The following TMEM201 variants were observed in gnomAD, a reference collection of about 807,000 sequenced individuals.
TMEM201 encodes the protein transmembrane protein 201, also known as RP13-15M17.2.
A neutral mutation model predicts 63.4 loss-of-function variants in TMEM201; 26 were observed. The ratio of observed to expected loss-of-function variants is 0.41; its 90% CI spans 0.30 to 0.57. TMEM201 has a LOEUF of 0.57. Among genes scored for constraint, TMEM201 ranks in the 20% least tolerant of loss-of-function variants. The pLI is 0.29. For missense variants in TMEM201, 794 were observed against 917.7 expected, an observed-to-expected ratio of 0.87 and a Z score of 1.74; for synonymous variants, 417 against 421.6, an observed-to-expected ratio of 0.99 and a Z score of 0.14.
chr1:9,610,603 G>GCGCCAC lies in TMEM201; in HGVS notation c.1567_1572dup (p.His523_Arg524dup). 6.4e-7 allele frequency: 1 copy of GCGCCAC among 1,550,422 alleles called. No homozygotes were observed. Among genetic ancestry groups the GCGCCAC allele is most frequent in the Non-Finnish European group, 8.7e-7 (1 of 1,146,884 alleles). ...CGGTGGCCTCCAGCTCCGGCTCTCT[G>GCGCCAC]CGCCACCGCAGGCCCCTCATCAGCC... is the stretch of plus-strand genomic sequence containing the variant. On this transcript the variant is annotated inframe_insertion, in exon 9 of 11. Transcript: ENST00000340381. The surrounding 1 kb of genome is among the most constrained non-coding windows in gnomAD (Gnocchi z 4.9).
In TMEM201 at chr1:9,603,185, T is replaced by TC; in HGVS notation, c.1160+915dup. Reference sequence around the variant, plus strand: ...ACCATGGCCCAGCGCCACTCTGTCCTCCGACTCAGGTGAGGGGGCAGCCCA... The same window carrying TC: ...ACCATGGCCCAGCGCCACTCTGTCCTCCCGACTCAGGTGAGGGGGCAGCCCA... On this transcript the variant is annotated intron_variant, in intron 6 of 10. Transcript: ENST00000340381. The surrounding 1 kb of genome is among the most constrained non-coding windows in gnomAD (Gnocchi z 4.5). 1 of 985,498 alleles carries TC rather than the reference T, an allele frequency of 1.0e-6. No homozygotes were observed. Among genetic ancestry groups the TC allele is most frequent in the Non-Finnish European group, 1.2e-6 (1 of 830,002 alleles). 61.0% of individuals were successfully genotyped at this position (985,498 alleles called of 1,614,324 possible).
intron 1 of TMEM201, among the ~76,000 whole-genome samples, chr1:9,593,933 ACGTGCTTAGTTGCC>A (rs939249643): frequency 1.3e-5 from 2 of 152,244 alleles, no homozygotes; most frequent in African/African-American, 4.8e-5. Context: ...AGGGAAGTCC[ACGTGCTTAGTTGCC>A]CGGGAGTGCT....
chr1:9,598,215 A>G (rs1557552013), intron 3 of TMEM201, among the ~76,000 whole-genome samples: 2 of 152,156 alleles, frequency 1.3e-5, no homozygotes, highest in South Asian at 2.1e-4. Flanking sequence ...TAGTGTCCCC[A>G]TCACTTGTGG....
intron 1 of TMEM201, among the ~76,000 whole-genome samples, chr1:9,594,685 C>G (rs562087337): frequency 5.9e-5 from 9 of 152,232 alleles, no homozygotes; most frequent in East Asian, 1.9e-4. Flanking sequence ...CAGCCTCCCC[C>G]TCAGGCCCCT....
intron 1 of TMEM201, among the ~76,000 whole-genome samples, chr1:9,591,405 G>T (rs114922278): frequency 3.3e-4 from 51 of 152,356 alleles, no homozygotes; most frequent in African/African-American, 1.2e-3. Flanking sequence ...GAGCCCCTTG[G>T]CTGCTTCTCT....
rs1310784376 is a variant in TMEM201, at chr1:9,589,053, T to C, written c.113+10T>C. ...ACCGGATCGCGCGGAGGTGAGTGCATGGTTCGGCCCCACGCGGCCCTCTGC... is the reference window on the plus strand; with the variant it reads ...ACCGGATCGCGCGGAGGTGAGTGCACGGTTCGGCCCCACGCGGCCCTCTGC... On this transcript the variant is annotated intron_variant, in intron 1 of 10. Transcript: ENST00000340381. The C allele has an allele frequency of 3.2e-5, 34 of 1,071,880 alleles. No individual in the cohort carries two copies. Among genetic ancestry groups the C allele is most frequent in the Non-Finnish European group, 3.4e-5 (30 of 883,066 alleles). The allele number at this position is 1,071,880 out of a possible 1,614,324, so 66.4% of individuals were successfully genotyped here.
intron 3 of TMEM201, among the ~76,000 whole-genome samples, chr1:9,597,748 C>G (rs1187619214): frequency 6.6e-6 from 1 of 152,180 alleles, no homozygotes; most frequent in Non-Finnish European, 1.5e-5. Flanking sequence ...CAGAGGTGAA[C>G]TCAGGCCAAG....
At chr1:9,595,713 T>TTC (rs145569400) in intron 1 of TMEM201, among the ~76,000 whole-genome samples, 177 bp from the exon 2 acceptor site, 3,473 of 152,276 alleles carry the variant, frequency 0.023, 139 homozygotes, top group African/African-American at 0.079. Context: ...GTTCCTCTCC[T>TTC]TCAGAGCCCT....
At chr1:9,602,940 C>T (rs368757737) in intron 6 of TMEM201, 5 of 985,458 alleles carry the variant, frequency 5.1e-6, no homozygotes, top group East Asian at 1.1e-4. Flanking sequence ...CCCGAGTCCC[C>T]GGAAATGGAG....
intron 6 of TMEM201, 23 bp downstream of exon 6, chr1:9,602,295 C>T (rs903572267): frequency 1.3e-5 from 21 of 1,608,646 alleles, no homozygotes; most frequent in Middle Eastern, 2.2e-4. Flanking sequence ...GCCATGACTG[C>T]GGGGGGAGGA....
Position 9,603,899 on chromosome 1 carries a change from G to A in TMEM201, c.1160+1627G>A. 1 of 985,464 alleles carries A rather than the reference G, an allele frequency of 1.0e-6. No individual in the cohort carries two copies. Among genetic ancestry groups the A allele is most frequent in the Non-Finnish European group, 1.2e-6 (1 of 829,954 alleles). The allele number at this position is 985,464 out of a possible 1,614,324, so 61.0% of individuals were successfully genotyped here. On this transcript the variant is annotated intron_variant, in intron 6 of 10. Coordinates refer to ENST00000340381, the MANE Select transcript of TMEM201 (RefSeq NM_001130924.3). This position sits in a 1 kb window ranked among gnomAD's most constrained non-coding sequence, Gnocchi z 4.5. The stretch of plus-strand genomic sequence containing the variant: ...GCTTGTTGTTCTGTGTGGAGCGTGA[G>A]GTGAGAAAACCCCTCTGAAAAGATG...
At position 9,605,670 on chromosome 1, in the gene TMEM201, G is replaced by A. The variant is rs538857411; in HGVS notation, c.1161-1887G>A. On this transcript the variant is annotated intron_variant, in intron 6 of 10. Transcript: ENST00000340381. The surrounding 1 kb of genome is among the most constrained non-coding windows in gnomAD (Gnocchi z 5.7). ...TCAAACTGCGAAGGAACTCCCCACAGCACCATCTTCAGTGGCACCAAACTG... is the reference window on the plus strand; with the variant it reads ...TCAAACTGCGAAGGAACTCCCCACAACACCATCTTCAGTGGCACCAAACTG... 6.6e-6 allele frequency among the ~76,000 whole-genome samples: 1 copy of A among 152,088 alleles called. No homozygotes were observed. Among genetic ancestry groups the A allele is most frequent in the East Asian group, 1.9e-4 (1 of 5,184 alleles).
In TMEM201 at chr1:9,610,962, A is replaced by T. The variant is rs1273391936; in HGVS notation, c.1765+157A>T. The T allele has an allele frequency of 3.3e-6, 5 of 1,517,700 alleles. No individual in the cohort carries two copies. In the African/African-American group the frequency reaches 7.2e-5, roughly 22 times the overall value. The allele number at this position is 1,517,700 out of a possible 1,614,324, so 94.0% of individuals were successfully genotyped here. Reference sequence around the variant, plus strand: ...ACCCCATTCCGGCTCTGGTGACTTGAACCCTCTGGGACATTGACCTCTAAT... The same window carrying T: ...ACCCCATTCCGGCTCTGGTGACTTGTACCCTCTGGGACATTGACCTCTAAT... On this transcript the variant is annotated intron_variant, in intron 9 of 10. Coordinates refer to ENST00000340381, the MANE Select transcript of TMEM201 (RefSeq NM_001130924.3). The surrounding 1 kb of genome is among the most constrained non-coding windows in gnomAD (Gnocchi z 4.9).
In TMEM201 at chr1:9,597,014, C is replaced by G; in HGVS notation, c.390C>G (p.Thr130=). ...LCKRCNHHQT[T]KIKQLAAFAP... ...AGAGGTGCAACCACCACCAGACCAC[C>G]AAGATCAAGCAGCTGGCCGCCTTCG... The change falls in exon 3 of 11, where the codon ACC becomes ACG. Residue 130 remains threonine (T), a synonymous_variant. Transcript: ENST00000340381. The G allele has an allele frequency of 1.2e-6, 2 of 1,610,794 alleles. No individual in the cohort carries two copies. Among genetic ancestry groups the G allele is most frequent in the Non-Finnish European group, 1.7e-6 (2 of 1,177,956 alleles).
At chr1:9,606,868 G>A (rs565134931) in intron 6 of TMEM201, among the ~76,000 whole-genome samples, 2 of 152,184 alleles carry the variant, frequency 1.3e-5, no homozygotes, top group South Asian at 2.1e-4. Context: ...TTCTAAGTTC[G>A]GTTTTGGCGT....
chr1:9,610,032 C>A lies in TMEM201; in HGVS notation c.1465+121C>A. 1.1e-6 allele frequency: 1 copy of A among 942,684 alleles called. No homozygotes were observed. Among genetic ancestry groups the A allele is most frequent in the South Asian group, 1.5e-5 (1 of 67,790 alleles). 58.4% of individuals were successfully genotyped at this position (942,684 alleles called of 1,614,324 possible). A position where few individuals can be genotyped will look rare whatever the true frequency, so the allele number is the denominator to read the frequency against. On this transcript the variant is annotated intron_variant, in intron 8 of 10. Coordinates refer to ENST00000340381, the MANE Select transcript of TMEM201 (RefSeq NM_001130924.3). This position sits in a 1 kb window ranked among gnomAD's most constrained non-coding sequence, Gnocchi z 4.9. ...CCCCAAGTGTGTGTTCACATCTCAG[C>A]CCTGGGCAAGTGACCTACACACCTG...
chr1:9,603,072 G>GC lies in TMEM201; in HGVS notation c.1160+803dup, dbSNP rs1644177796. On this transcript the variant is annotated intron_variant, in intron 6 of 10. Transcript: ENST00000340381. The surrounding 1 kb of genome is among the most constrained non-coding windows in gnomAD (Gnocchi z 4.5). ...ATCTGAGCTTTTCCAAGGGTAAGGG[G>GC]CCCAGGGTATGCAGGCCTTCAGTGA... 3 of 985,454 alleles carry GC rather than the reference G, an allele frequency of 3.0e-6. No homozygotes were observed. In the South Asian group the frequency reaches 1.4e-4, roughly 46 times the overall value. 61.0% of individuals were successfully genotyped at this position (985,454 alleles called of 1,614,324 possible).
intron 1 of TMEM201, among the ~76,000 whole-genome samples, chr1:9,592,869 C>T (rs1315457807): frequency 6.6e-6 from 1 of 152,214 alleles, no homozygotes; most frequent in Non-Finnish European, 1.5e-5. Flanking sequence ...GTCCACCCAT[C>T]AAATGGGACC....
chr1:9,590,299 G>A (rs1003352578), intron 1 of TMEM201, among the ~76,000 whole-genome samples: 2 of 152,232 alleles, frequency 1.3e-5, no homozygotes, highest in African/African-American at 4.8e-5. Flanking sequence ...AGAGACCTCA[G>A]GTGATTTGCT....
Sources: gnomAD v4.1 joint callset for allele counts (sites outside exome capture counted in the v4.1 genomes callset) on GRCh38, gnomAD v4.1.1 for gene constraint, Gnocchi (gnomAD v3.1) non-coding constraint, MANE v1.5 for transcripts, NCBI Gene and HGNC (gene_info 2026-07-23, HGNC 2026-07-21) for gene names.